Variants in CD4 observed in about 807,000 individuals in gnomAD.
CD4 encodes the protein T-cell surface glycoprotein CD4.
Under a neutral mutation model 50.5 loss-of-function variants are expected in CD4, and 25 were observed. The observed-to-expected ratio is 0.49, with a 90% CI of 0.36 to 0.69. The LOEUF is 0.69. Among genes scored for constraint, CD4 ranks in the 30% least tolerant of loss-of-function variants. The pLI, the probability that CD4 is intolerant of heterozygous loss-of-function variation, is 0.00. For synonymous variants in CD4, 207 were observed against 221.9 expected (o/e 0.93, Z 0.60); for missense variants, 456 against 548.5 (o/e 0.83, Z 1.68).
chr12:6,802,760 G>A (rs1215030297), intron 3 of CD4, among the ~76,000 whole-genome samples: 3 of 151,058 alleles, frequency 2.0e-5, no homozygotes, highest in African/African-American at 4.9e-5. Context: ...TTTTTGAGAC[G>A]GAGTCTCGGT....
chr12:6,798,434 AAT>A (rs1256301746), intron 1 of CD4, among the ~76,000 whole-genome samples: 2 of 84,358 alleles, frequency 2.4e-5, no homozygotes, highest in African/African-American at 8.6e-5. Flanking sequence ...GGCCTCCCAA[AAT>A]GCTGGGATTA....
At chr12:6,794,786 GTTT>G (rs1220016459) in intron 1 of CD4, among the ~76,000 whole-genome samples, 3,846 of 105,262 alleles carry the variant, frequency 0.037, 163 homozygotes, top group African/African-American at 0.13. Flanking sequence ...TTTTTTTTTT[GTTT>G]TTTTTTTTTT....
At chr12:6,810,917 G>A (rs781983394) in intron 3 of CD4, among the ~76,000 whole-genome samples, 31 of 152,266 alleles carry the variant, frequency 2.0e-4, no homozygotes, top group Non-Finnish European at 4.3e-4. Flanking sequence ...AACTGAAGGT[G>A]TGGGGTGGAT....
chr12:6,795,240 T>G (rs1013305285), intron 1 of CD4, among the ~76,000 whole-genome samples: 9 of 152,184 alleles, frequency 5.9e-5, no homozygotes. Context: ...TCTATCAATC[T>G]ATCATCTAAT....
At chr12:6,812,907 T>C (rs1337318710) in intron 3 of CD4, among the ~76,000 whole-genome samples, 3 of 150,528 alleles carry the variant, frequency 2.0e-5, no homozygotes, top group Admixed American at 6.6e-5. Context: ...TGCCTCAGCC[T>C]CCCAGTTTTT....
intron 3 of CD4, among the ~76,000 whole-genome samples, chr12:6,810,706 C>G (rs1429105486): frequency 6.6e-6 from 1 of 152,108 alleles, no homozygotes. Context: ...GGGGCAGAAC[C>G]AGAGTAGGCC....
intron 1 of CD4, among the ~76,000 whole-genome samples, chr12:6,795,618 A>G (rs1942352843): frequency 6.6e-6 from 1 of 152,252 alleles, no homozygotes; most frequent in African/African-American, 2.4e-5. Flanking sequence ...AACAGCAGGA[A>G]GAGTCCTGAA....
intron 1 of CD4, among the ~76,000 whole-genome samples, chr12:6,795,975 G>A (rs1163318822): frequency 6.6e-6 from 1 of 152,204 alleles, no homozygotes; most frequent in East Asian, 1.9e-4. Flanking sequence ...GGATTGGGGC[G>A]ACTGGGCTTC....
chr12:6,794,095 G>A (rs1170156936), intron 1 of CD4, among the ~76,000 whole-genome samples: 1 of 136,730 alleles, frequency 7.3e-6, no homozygotes, highest in South Asian at 2.3e-4. Context: ...TTTTTTTTGA[G>A]ACAGAGTCAC....
rs946400585 is a variant in CD4 at position 6,818,170 on chromosome 12, T to C, written c.1157-251T>C. 1.8e-4 allele frequency among the ~76,000 whole-genome samples: 28 copies of C among 151,738 alleles called. No homozygotes were observed. Among genetic ancestry groups the C allele is most frequent in the Non-Finnish European group, 2.9e-4 (20 of 67,888 alleles). ...ACACACTCACACATGCACACACACATGCACTCACACACACAGCCCAGGAGC... is the reference window on the plus strand; with the variant it reads ...ACACACTCACACATGCACACACACACGCACTCACACACACAGCCCAGGAGC... On this transcript the variant is annotated intron_variant, in intron 7 of 9. Coordinates refer to ENST00000011653, the MANE Select transcript of CD4 (RefSeq NM_000616.5). The surrounding 1 kb of genome is among the most constrained non-coding windows in gnomAD (Gnocchi z 5.0).
At position 6,800,062 on chromosome 12, in the gene CD4, T is replaced by G; in HGVS notation, c.-67-10T>G. 7.7e-7 allele frequency: 1 copy of G among 1,299,404 alleles called. No individual in the cohort carries two copies. The highest frequency in any genetic ancestry group is 1.1e-6 in the Non-Finnish European group (1 of 894,964). The allele number at this position is 1,299,404 out of a possible 1,614,324, so 80.5% of individuals were successfully genotyped here. Reference sequence around the variant, plus strand: ...AATGTTTGCTGACTAATGATTGGCATTTCCCTCAGGCCCTGCCATTTCTGT... The same window carrying G: ...AATGTTTGCTGACTAATGATTGGCAGTTCCCTCAGGCCCTGCCATTTCTGT... On this transcript the variant is annotated splice_polypyrimidine_tract_variant and intron_variant, in intron 1 of 9. Transcript: ENST00000011653.
intron 3 of CD4, among the ~76,000 whole-genome samples, chr12:6,806,252 A>C (rs1555116176): frequency 1.3e-5 from 2 of 152,022 alleles, no homozygotes; most frequent in Non-Finnish European, 2.9e-5. Flanking sequence ...TTTATTGTGA[A>C]TATACATCTA....
At position 6,817,155 on chromosome 12, in the gene CD4, C is replaced by A; in HGVS notation, c.981C>A (p.Thr327=). 4 of 1,614,136 alleles carry A rather than the reference C, an allele frequency of 2.5e-6. No individual in the cohort carries two copies. Among genetic ancestry groups the A allele is most frequent in the Non-Finnish European group, 2.5e-6 (3 of 1,179,984 alleles). ...CCACTCAGCTCCAGAAAAATTTGAC[C>A]TGTGAGGTGTGGGGACCCACCTCCC... ...MRATQLQKNL[T]CEVWGPTSPK... The change falls in exon 7 of 10, where the codon ACC becomes ACA. Residue 327 remains threonine (T), a synonymous_variant. Transcript: ENST00000011653.
chr12:6,816,000 C>T lies in CD4; in HGVS notation c.608-56C>T, dbSNP rs182784943. 954 of 1,607,762 alleles carry T rather than the reference C, an allele frequency of 5.9e-4. 5 individuals are homozygous for T. The highest frequency in any genetic ancestry group is 3.3e-4 in the East Asian group (15 of 44,806). ...GCTGCCTCCACATGCCAACCCCACT[C>T]GTGCACCCTCATCTTCCTATCTCCT... On this transcript the variant is annotated intron_variant, in intron 5 of 9. Transcript: ENST00000011653.
Position 6,792,738 on chromosome 12 carries a change from G to A in CD4, c.-68+3076G>A, listed in dbSNP as rs577936992. 3.3e-5 allele frequency among the ~76,000 whole-genome samples: 5 copies of A among 152,298 alleles called. No homozygotes were observed. Among genetic ancestry groups the A allele is most frequent in the South Asian group, 4.1e-4 (2 of 4,828 alleles). ...AGGCCAGGAGGACTGTGTACAGACC[G>A]GAAGGAGCTAGAGCTTAGTGGCAGC... On this transcript the variant is annotated intron_variant, in intron 1 of 9. Transcript: ENST00000011653. The surrounding 1 kb of genome is among the most constrained non-coding windows in gnomAD (Gnocchi z 4.1).
At position 6,817,231 on chromosome 12, in the gene CD4, A is replaced by G; in HGVS notation, c.1057A>G (p.Lys353Glu). 1 of 1,612,802 alleles carries G rather than the reference A, an allele frequency of 6.2e-7. No homozygotes were observed. Among genetic ancestry groups the G allele is most frequent in the Non-Finnish European group, 8.5e-7 (1 of 1,179,270 alleles). ...GGAGAACAAGGAGGCAAAGGTCTCG[A>G]AGCGGGAGAAGGCGGTGTGGGTGCT... The part of the protein sequence containing the change: ...KLENKEAKVS[K>E]REKAVWVLNP... Residue 353 changes from lysine to glutamate, a missense_variant, in exon 7 of 10, where the codon AAG becomes GAG. Transcript: ENST00000011653.
intron 3 of CD4, among the ~76,000 whole-genome samples, chr12:6,811,894 T>C (rs1214778135): frequency 6.6e-6 from 1 of 152,008 alleles, no homozygotes; most frequent in African/African-American, 2.4e-5. Flanking sequence ...ACTGTAACTT[T>C]GAACTCCTGG....
In CD4 at chr12:6,814,793, G is replaced by T. The variant is rs1180919031; in HGVS notation, c.408G>T (p.Gly136=). 6.2e-7 allele frequency: 1 copy of T among 1,613,734 alleles called. No individual in the cohort carries two copies. Among genetic ancestry groups the T allele is most frequent in the Admixed American group, 1.7e-5 (1 of 59,980 alleles). Residue 136 remains glycine, a synonymous_variant, in exon 5 of 10, where the codon GGG becomes GGT. Coordinates refer to ENST00000011653, the MANE Select transcript of CD4 (RefSeq NM_000616.5). ...ACTCTGACACCCACCTGCTTCAGGG[G>T]CAGAGCCTGACCCTGACCTTGGAGA... ...TANSDTHLLQ[G]QSLTLTLESP...
At chr12:6,795,683 G>A (rs1942354926) in intron 1 of CD4, among the ~76,000 whole-genome samples, 1 of 152,228 alleles carries the variant, frequency 6.6e-6, no homozygotes, top group African/African-American at 2.4e-5. Flanking sequence ...TGGATAAGGG[G>A]CCACCCCACA....
Sources: allele counts gnomAD v4.1 joint callset (sites outside exome capture counted in the v4.1 genomes callset), GRCh38; gene constraint gnomAD v4.1.1; non-coding constraint Gnocchi (gnomAD v3.1); transcripts MANE v1.5; gene names NCBI Gene and HGNC (gene_info 2026-07-23, HGNC 2026-07-21).